The following CRB1 variants were observed in gnomAD, a reference collection of about 807,000 sequenced individuals.
CRB1 encodes the protein crumbs cell polarity complex component 1, also known as protein crumbs homolog 1.
A neutral mutation model predicts 120.0 loss-of-function variants in CRB1; 83 were observed. The observed-to-expected ratio is 0.69, with a 90% confidence interval of 0.58 to 0.83. The LOEUF (loss-of-function observed/expected upper bound fraction) is 0.83, where lower values mean the gene tolerates loss of function less well. CRB1 is among the 40% of genes least tolerant of loss of function. The pLI, the probability that CRB1 is intolerant of heterozygous loss-of-function variation, is 0.00. For synonymous variants in CRB1, 625 were observed against 612.5 expected, an observed-to-expected ratio of 1.02 and a Z score of -0.30; for missense variants, 1,699 against 1,687.6, an observed-to-expected ratio of 1.01 and a Z score of -0.12.
At chr1:197,460,600 T>A (rs1364413904) in intron 11 of CRB1, among the ~76,000 whole-genome samples, 1 of 152,148 alleles carries the variant, frequency 6.6e-6, no homozygotes, top group Non-Finnish European at 1.5e-5. Flanking sequence ...ATAGTACTGT[T>A]ATTTCCACTT....
chr1:197,286,647 G>A lies in CRB1; in HGVS notation c.70+18165G>A, dbSNP rs1251443736. Among the ~76,000 whole-genome samples the A allele has an allele frequency of 5.3e-5, 8 of 151,970 alleles. No homozygotes were observed. In the East Asian group the frequency reaches 1.2e-3, roughly 22 times the overall value. On this transcript the variant is annotated intron_variant, in intron 1 of 11. Transcript: ENST00000367400. ...ATACATTTGCACAGAATATAATAAA[G>A]TTTTCTTAGAGTTAAACTTCAGTAC... is the stretch of plus-strand genomic sequence containing the variant.
chr1:197,453,541 G>T (rs56403659), intron 11 of CRB1, among the ~76,000 whole-genome samples: 88,417 of 117,772 alleles, frequency 0.75, 32,653 homozygotes, highest in East Asian at 0.84. Flanking sequence ...TATATATATA[G>T]AGAGAGAGAC....
At chr1:197,418,803 G>T (rs1196296399) in intron 5 of CRB1, among the ~76,000 whole-genome samples, 3 of 152,106 alleles carry the variant, frequency 2.0e-5, no homozygotes, top group Non-Finnish European at 4.4e-5. Context: ...ACATATATTG[G>T]TGAATAAAAC....
At chr1:197,360,993 C>T (rs1249940978) in intron 5 of CRB1, among the ~76,000 whole-genome samples, 1 of 152,162 alleles carries the variant, frequency 6.6e-6, no homozygotes, top group African/African-American at 2.4e-5. Context: ...TGGTCAGATG[C>T]ATTTTCTGCA....
intron 1 of CRB1, among the ~76,000 whole-genome samples, chr1:197,319,798 T>C (rs973673689): frequency 6.6e-6 from 1 of 152,158 alleles, no homozygotes; most frequent in African/African-American, 2.4e-5. Context: ...ACTGGCTTCT[T>C]GTTTTTGGTG....
At chr1:197,396,076 A>G (rs1437009523) in intron 5 of CRB1, among the ~76,000 whole-genome samples, 1 of 152,188 alleles carries the variant, frequency 6.6e-6, no homozygotes, top group Non-Finnish European at 1.5e-5. Flanking sequence ...AGATGACATG[A>G]TTGTTTATAC....
At chr1:197,420,820 A>G (rs535222176) in intron 5 of CRB1, among the ~76,000 whole-genome samples, 180 bp from the exon 6 acceptor site, 14 of 152,322 alleles carry the variant, frequency 9.2e-5, no homozygotes, top group African/African-American at 3.4e-4. Context: ...TTTCTTCATG[A>G]CACAGGTGGA....
chr1:197,450,394 G>T (rs185406139), intron 11 of CRB1, among the ~76,000 whole-genome samples: 146 of 152,248 alleles, frequency 9.6e-4, no homozygotes, highest in Non-Finnish European at 1.5e-3. Flanking sequence ...CTAGAAAAGG[G>T]CATTTTAGCT....
the CRB1 span, among the ~76,000 whole-genome samples, chr1:197,212,889 A>G: frequency 2.0e-5 from 3 of 152,192 alleles, no homozygotes; most frequent in Non-Finnish European, 4.4e-5. Flanking sequence ...TAAAATTTCT[A>G]GTCCATGGCA....
chr1:197,245,208 C>T, the CRB1 span, among the ~76,000 whole-genome samples: 1 of 152,048 alleles, frequency 6.6e-6, no homozygotes, highest in Non-Finnish European at 1.5e-5. Context: ...CTATCCCTCC[C>T]CACTTCCCTC....
At chr1:197,311,698 AGTGTGTGT>A (rs57455433) in intron 1 of CRB1, among the ~76,000 whole-genome samples, 10,083 of 138,904 alleles carry the variant, frequency 0.073, 388 homozygotes, top group Admixed American at 0.087. Flanking sequence ...TCATATAGTT[AGTGTGTGT>A]GTGTGTGTGT....
chr1:197,367,285 C>A (rs1234680789), intron 5 of CRB1, among the ~76,000 whole-genome samples: 1 of 151,982 alleles, frequency 6.6e-6, no homozygotes, highest in African/African-American at 2.4e-5. Flanking sequence ...TGGTCTCTTC[C>A]CAAGGGAAAA....
At chr1:197,230,353 T>G in the CRB1 span, among the ~76,000 whole-genome samples, 3 of 152,222 alleles carry the variant, frequency 2.0e-5, no homozygotes, top group Non-Finnish European at 4.4e-5. Flanking sequence ...TAAATTTGTG[T>G]AAATCACTGT....
chr1:197,313,662 C>CT (rs1201273382), intron 1 of CRB1, among the ~76,000 whole-genome samples: 1 of 152,118 alleles, frequency 6.6e-6, no homozygotes, highest in Non-Finnish European at 1.5e-5. Context: ...ATGATATCCA[C>CT]TTTTTTCACT....
At chr1:197,358,832 G>T (rs1438743825) in intron 5 of CRB1, among the ~76,000 whole-genome samples, 1 of 151,984 alleles carries the variant, frequency 6.6e-6, no homozygotes, top group Non-Finnish European at 1.5e-5. Flanking sequence ...ACATTTAATT[G>T]CAGAAAAGAC....
chr1:197,388,052 C>T (rs1268471188), intron 5 of CRB1, among the ~76,000 whole-genome samples: 5 of 151,840 alleles, frequency 3.3e-5, no homozygotes, highest in Non-Finnish European at 7.4e-5. Context: ...GATCAAATTA[C>T]ATAAACATCA....
chr1:197,326,717 C>A (rs151187870), intron 1 of CRB1, among the ~76,000 whole-genome samples: 2,145 of 152,030 alleles, frequency 0.014, 26 homozygotes, highest in Non-Finnish European at 0.023. Context: ...AGCTGGGGAA[C>A]AGAACCTTTT....
At chr1:197,384,322 C>A (rs758758950) in intron 5 of CRB1, among the ~76,000 whole-genome samples, 33 of 152,220 alleles carry the variant, frequency 2.2e-4, no homozygotes, top group Non-Finnish European at 3.8e-4. Flanking sequence ...TCCAAACACT[C>A]CCAGGTGGTC....
intron 1 of CRB1, among the ~76,000 whole-genome samples, chr1:197,282,761 G>A (rs1178541939): frequency 6.6e-6 from 1 of 151,752 alleles, no homozygotes; most frequent in Admixed American, 6.6e-5. Context: ...TTTCTCAATT[G>A]TTATGTTCTC....
Sources: gnomAD v4.1 joint callset for allele counts (sites outside exome capture counted in the v4.1 genomes callset) on GRCh38, gnomAD v4.1.1 for gene constraint, MANE v1.5 for transcripts, NCBI Gene and HGNC (gene_info 2026-07-23, HGNC 2026-07-21) for gene names.